The following GLIS1 variants were observed in gnomAD, a reference collection of about 807,000 sequenced individuals.
The protein encoded by GLIS1 is GLIS family zinc finger 1.
Under a neutral mutation model 63.8 loss-of-function variants are expected in GLIS1, and 24 were observed. The ratio of observed to expected loss-of-function variants is 0.38; its 90% confidence interval spans 0.27 to 0.53. The LOEUF is 0.53. GLIS1 is among the 20% of genes least tolerant of loss of function. The pLI, the probability that GLIS1 is intolerant of heterozygous loss-of-function variation, is 0.85. For synonymous variants in GLIS1, 450 were observed against 482.5 expected (o/e 0.93, Z 0.88); for missense variants, 1,036 against 1,074.1 (o/e 0.96, Z 0.50).
At chr1:53,726,225 G>C (rs1014942815) in intron 2 of GLIS1, among the ~76,000 whole-genome samples, 2 of 152,154 alleles carry the variant, frequency 1.3e-5, no homozygotes, top group African/African-American at 4.8e-5. Flanking sequence ...AGGTGGCAAG[G>C]TGTGTAGAAG....
intron 4 of GLIS1, among the ~76,000 whole-genome samples, chr1:53,586,614 T>C (rs1252905822): frequency 2.0e-5 from 3 of 152,220 alleles, no homozygotes; most frequent in Non-Finnish European, 2.9e-5. Flanking sequence ...CCCAATTTCA[T>C]AGGTAAGAAA....
At chr1:53,559,356 TC>T (rs1479603730) in intron 4 of GLIS1, among the ~76,000 whole-genome samples, 1 of 152,120 alleles carries the variant, frequency 6.6e-6, no homozygotes, top group Non-Finnish European at 1.5e-5. Flanking sequence ...ACTCGTTCAA[TC>T]CCAGCACTGT....
At chr1:53,576,175 C>T (rs1005742497) in intron 4 of GLIS1, among the ~76,000 whole-genome samples, 4 of 152,068 alleles carry the variant, frequency 2.6e-5, no homozygotes, top group Non-Finnish European at 5.9e-5. Flanking sequence ...TGAGGCCAGG[C>T]TTCCTCCCTG....
intron 2 of GLIS1, among the ~76,000 whole-genome samples, chr1:53,722,646 G>T (rs1291244064): frequency 3.3e-5 from 5 of 152,096 alleles, no homozygotes; most frequent in African/African-American, 7.2e-5. Flanking sequence ...TTCAAGACCA[G>T]CCTGGCCAAC....
At position 53,594,969 on chromosome 1, in the gene GLIS1, C is replaced by T. The variant is rs951780608; in HGVS notation, c.459G>A (p.Thr153=). The T allele has an allele frequency of 1.4e-5, 20 of 1,444,952 alleles. No homozygotes were observed. The highest frequency in any genetic ancestry group is 4.3e-5 in the African/African-American group (3 of 69,964). 89.5% of individuals were successfully genotyped at this position (1,444,952 alleles called of 1,614,324 possible). The change falls in exon 4 of 11, where the codon ACG becomes ACA. Residue 153 remains threonine (T), a synonymous_variant. Coordinates refer to ENST00000628545, the MANE Select transcript of GLIS1 (RefSeq NM_001367484.1). Reference sequence around the variant, plus strand: ...TGGTTGGGAGGCTGCCGTTCACATACGTGGCCTGGGGTCTAGGTGACCTGG... The same window carrying T: ...TGGTTGGGAGGCTGCCGTTCACATATGTGGCCTGGGGTCTAGGTGACCTGG... The part of the protein sequence containing the change: ...HPDRSPRPQA[T]YVNGSLPTTQ...
intron 2 of GLIS1, among the ~76,000 whole-genome samples, chr1:53,725,987 G>A (rs1452908610): frequency 6.6e-6 from 1 of 152,206 alleles, no homozygotes; most frequent in African/African-American, 2.4e-5. Flanking sequence ...CTATCAGCAA[G>A]TCAGAGATGC....
chr1:53,675,877 G>A (rs1030128191), intron 2 of GLIS1, among the ~76,000 whole-genome samples: 6 of 142,318 alleles, frequency 4.2e-5, no homozygotes, highest in Non-Finnish European at 7.6e-5. Context: ...ACAGAACAGC[G>A]GCTCCTACCC....
At chr1:53,695,956 G>C (rs1646461128) in intron 2 of GLIS1, among the ~76,000 whole-genome samples, 1 of 152,234 alleles carries the variant, frequency 6.6e-6, no homozygotes, top group African/African-American at 2.4e-5. Context: ...TTGGCCCCTA[G>C]CTGTGGGTGC....
intron 9 of GLIS1, 112 bp from the exon 10 acceptor site, chr1:53,509,399 T>G (rs1644273830): frequency 4.2e-6 from 5 of 1,178,160 alleles, no homozygotes; most frequent in Non-Finnish European, 5.9e-6. Context: ...CCAGGCATTG[T>G]GGGTGTGAGA....
intron 2 of GLIS1, among the ~76,000 whole-genome samples, chr1:53,719,013 G>C (rs1449718391): frequency 6.6e-6 from 1 of 152,118 alleles, no homozygotes; most frequent in Non-Finnish European, 1.5e-5. Flanking sequence ...GAGCTCCTCC[G>C]GTTGGCAGGC....
chr1:53,517,465 C>T (rs1034330344), intron 7 of GLIS1, among the ~76,000 whole-genome samples: 12 of 152,318 alleles, frequency 7.9e-5, no homozygotes, highest in African/African-American at 2.9e-4. Flanking sequence ...CTTAGCACCT[C>T]TTCGCCTGCC....
intron 2 of GLIS1, among the ~76,000 whole-genome samples, chr1:53,672,220 TAG>T (rs1379877636): frequency 5.9e-5 from 9 of 151,760 alleles, no homozygotes; most frequent in Non-Finnish European, 1.3e-4. Context: ...GGCCTGAGAG[TAG>T]AGTTAGGAAG....
At chr1:53,571,924 A>G (rs1644988992) in intron 4 of GLIS1, among the ~76,000 whole-genome samples, 1 of 152,208 alleles carries the variant, frequency 6.6e-6, no homozygotes, top group South Asian at 2.1e-4. Flanking sequence ...CAGAGACCAC[A>G]TACAGTATGA....
At chr1:53,517,817 G>A (rs555338124) in intron 7 of GLIS1, among the ~76,000 whole-genome samples, 2 of 152,250 alleles carry the variant, frequency 1.3e-5, no homozygotes, top group South Asian at 2.1e-4. Context: ...CCTGCCCCGG[G>A]GCCAGGTCCC....
intron 4 of GLIS1, among the ~76,000 whole-genome samples, chr1:53,555,531 AAAAAAC>A (rs554224973): frequency 2.1e-4 from 32 of 152,304 alleles, no homozygotes; most frequent in Admixed American, 1.4e-3. Context: ...CTCTGTCTCA[AAAAAAC>A]AAAAACAAAA....
chr1:53,577,218 C>T (rs890891509), intron 4 of GLIS1, among the ~76,000 whole-genome samples: 5 of 152,006 alleles, frequency 3.3e-5, no homozygotes, highest in Non-Finnish European at 7.4e-5. Flanking sequence ...ATCCCCTACC[C>T]CCCTGGGGCC....
At chr1:53,533,143 C>T (rs910677616) in intron 4 of GLIS1, among the ~76,000 whole-genome samples, 1 of 152,234 alleles carries the variant, frequency 6.6e-6, no homozygotes, top group Admixed American at 6.5e-5. Context: ...TTTTAGCAAA[C>T]ATCTACTCCT....
intron 3 of GLIS1, among the ~76,000 whole-genome samples, chr1:53,599,059 G>A (rs547775355): frequency 6.6e-6 from 1 of 152,296 alleles, no homozygotes; most frequent in East Asian, 1.9e-4. Flanking sequence ...TGTGAAGCAG[G>A]CCTCAGGCCA....
intron 10 of GLIS1, among the ~76,000 whole-genome samples, chr1:53,508,002 G>A (rs952099951): frequency 6.6e-6 from 1 of 152,208 alleles, no homozygotes; most frequent in African/African-American, 2.4e-5. Flanking sequence ...CGTGGACACG[G>A]CACACGTTTA....
Sources: allele counts gnomAD v4.1 joint callset (sites outside exome capture counted in the v4.1 genomes callset), GRCh38; gene constraint gnomAD v4.1.1; transcripts MANE v1.5; gene names NCBI Gene and HGNC (gene_info 2026-07-23, HGNC 2026-07-21).